GANAB: variants seen among roughly 807,000 people sequenced by gnomAD.
The protein encoded by GANAB is neutral alpha-glucosidase AB.
Under a neutral mutation model 129.9 loss-of-function variants are expected in GANAB, and 35 were observed. The observed-to-expected ratio is 0.27, with a 90% CI of 0.21 to 0.36. The LOEUF (loss-of-function observed/expected upper bound fraction) is 0.36, where lower values mean the gene tolerates loss of function less well. GANAB is among the 10% of genes least tolerant of loss of function. GANAB has a pLI of 1.00. For synonymous variants in GANAB, 482 were observed against 451.8 expected, an observed-to-expected ratio of 1.07 and a Z score of -0.85; for missense variants, 939 against 1,221.0, an observed-to-expected ratio of 0.77 and a Z score of 3.44.
chr11:62,642,637 T>C (rs952033973), intron 1 of GANAB, among the ~76,000 whole-genome samples: 2 of 152,094 alleles, frequency 1.3e-5, no homozygotes, highest in East Asian at 3.8e-4. Flanking sequence ...GGTTTCATCA[T>C]GTTGGCCAGG....
rs1468720325 is a variant in GANAB at position 62,633,584 on chromosome 11, T to A, written c.561-70A>T. On this transcript the variant is annotated intron_variant, in intron 5 of 23. Coordinates refer to ENST00000356638, the MANE Select transcript of GANAB (RefSeq NM_198334.3). ...GACGAGGGGCTAGTGGAAGGAGGGGTTGGGGAATAGAGAGCCAAGGGTCCA... is the reference window on the plus strand; with the variant it reads ...GACGAGGGGCTAGTGGAAGGAGGGGATGGGGAATAGAGAGCCAAGGGTCCA... 1.6e-5 allele frequency: 22 copies of A among 1,371,648 alleles called. No individual in the cohort carries two copies. The Admixed American group carries it at 3.4e-4, about 21-fold the overall frequency. 85.0% of individuals were successfully genotyped at this position (1,371,648 alleles called of 1,614,324 possible).
Position 62,625,888 on chromosome 11 carries a change from G to C in GANAB, c.2762C>G (p.Pro921Arg), listed in dbSNP as rs1437440685. 1.2e-6 allele frequency: 2 copies of C among 1,613,696 alleles called. No individual in the cohort carries two copies. Among genetic ancestry groups the C allele is most frequent in the South Asian group, 1.1e-5 (1 of 91,074 alleles). The change falls in exon 24 of 24, where the codon CCT (proline) becomes CGT (arginine). Residue 921 changes from proline to arginine, a missense_variant. Transcript: ENST00000356638. ...PESRLSFQHD[P>R]ETSVLVLRKP... Reference sequence around the variant, plus strand: ...GCGCAGGACCAACACAGAGGTCTCAGGGTCATGCTGGAAGGACAGGCGGCT... The same window carrying C: ...GCGCAGGACCAACACAGAGGTCTCACGGTCATGCTGGAAGGACAGGCGGCT...
chr11:62,629,372 G>T, intron 15 of GANAB, 77 bp from the exon 16 acceptor site: 1 of 1,043,674 alleles, frequency 9.6e-7, no homozygotes, highest in Non-Finnish European at 1.5e-6. Context: ...TCCCACATCC[G>T]CTCTGGGTCC....
At position 62,626,407 on chromosome 11, in the gene GANAB, G is replaced by C; in HGVS notation, c.2552C>G (p.Thr851Arg). The change falls in exon 22 of 24, where the codon ACG becomes AGG. Residue 851 changes from threonine (T) to arginine (R), a missense_variant. By Grantham distance (71) the Thr-to-Arg change is moderately conservative. This residue lies in a region of GANAB where 230 missense variants were observed against 259.9 expected (regional missense o/e 0.89). Transcript: ENST00000356638. ...CTCTTGGCGAGTCTGATAGTTGAAC[G>C]TGTGCCCATCATCCAGAAAGAGCTC... ...QGELFLDDGH[T>R]FNYQTRQEFL... 1 of 1,613,390 alleles carries C rather than the reference G, an allele frequency of 6.2e-7. No individual in the cohort carries two copies. Among genetic ancestry groups the C allele is most frequent in the Non-Finnish European group, 8.5e-7 (1 of 1,179,292 alleles).
Position 62,628,991 on chromosome 11 carries a change from TTGAA to T in GANAB, c.1954_1957del (p.Phe652LysfsTer44), listed in dbSNP as rs1373255872. ...CACAAGCAGCTCTGGCTCTGGGTTT[TTGAA>T]GAAGCCACCCACATCCGCTGGTAGA... On this transcript the variant is annotated frameshift_variant, in exon 17 of 24. Transcript: ENST00000356638. LOFTEE classifies it high-confidence loss of function. 1 of 1,613,030 alleles carries T rather than the reference TTGAA, an allele frequency of 6.2e-7. No homozygotes were observed. Among genetic ancestry groups the T allele is most frequent in the African/African-American group, 1.3e-5 (1 of 74,876 alleles).
In GANAB at chr11:62,629,282, T is replaced by C. The variant is rs1443056876; in HGVS notation, c.1848A>G (p.Thr616=). ...GGTCCCACTCGGCAGTGTTGTCCCC[T>C]GTCCACACGGCTCCTGAGGAAGACA... ...AGSQRFGAVW[T]GDNTAEWDHL... is the part of the protein sequence containing the mutation. The change falls in exon 16 of 24, where the codon ACA becomes ACG. Residue 616 remains threonine, a synonymous_variant. Transcript: ENST00000356638. The C allele has an allele frequency of 1.9e-6, 3 of 1,609,994 alleles. No individual in the cohort carries two copies. Among genetic ancestry groups the C allele is most frequent in the African/African-American group, 2.7e-5 (2 of 74,806 alleles).
intron 1 of GANAB, among the ~76,000 whole-genome samples, chr11:62,641,339 C>CAGA (rs1554974897): frequency 1.1e-4 from 5 of 47,464 alleles, no homozygotes; most frequent in African/African-American, 3.3e-4. Flanking sequence ...GCAAAACTCT[C>CAGA]AGAAAAAAAA....
chr11:62,641,725 G>A (rs1321610660), intron 1 of GANAB, among the ~76,000 whole-genome samples: 1 of 151,582 alleles, frequency 6.6e-6, no homozygotes, highest in East Asian at 1.9e-4. Flanking sequence ...AATTACAGGA[G>A]CACGCCACCA....
rs10629748 is a variant in GANAB, at chr11:62,641,341, G to GA, written c.39-1611dup. ...CCTAGGTGATGGAGCAAAACTCTCA[G>GA]AAAAAAAAAAAAAAAAAAGATGTAC... On this transcript the variant is annotated intron_variant, in intron 1 of 23. Transcript: ENST00000356638. Among the ~76,000 whole-genome samples the GA allele has an allele frequency of 5.0e-3, 547 of 109,942 alleles. 10 individuals carry two copies. Among genetic ancestry groups the GA allele is most frequent in the African/African-American group, 0.013 (376 of 28,248 alleles). 72.1% of individuals were successfully genotyped at this position (109,942 alleles called of 152,430 possible). A position where few individuals can be genotyped will look rare whatever the true frequency, so the allele number is the denominator to read the frequency against.
At chr11:62,639,557 T>G in intron 2 of GANAB, 70 bp downstream of exon 2, 1 of 1,436,146 alleles carries the variant, frequency 7.0e-7, no homozygotes, top group Non-Finnish European at 9.8e-7. Context: ...AGGCACTCCA[T>G]CTGCCACAGA....
chr11:62,643,670 G>C (rs1944359665), intron 1 of GANAB, among the ~76,000 whole-genome samples: 1 of 151,988 alleles, frequency 6.6e-6, no homozygotes, highest in Non-Finnish European at 1.5e-5. Flanking sequence ...ACAAAAATTA[G>C]CCAGGCGTAG....
intron 1 of GANAB, among the ~76,000 whole-genome samples, chr11:62,641,768 C>T (rs1236481454): frequency 5.1e-4 from 77 of 150,520 alleles, no homozygotes; most frequent in Non-Finnish European, 3.6e-4. Flanking sequence ...TTGGTAGAGA[C>T]GGAGTTTCAC....
At position 62,626,817 on chromosome 11, in the gene GANAB, T is replaced by A. The variant is rs1166603999; in HGVS notation, c.2397+43A>T. The A allele has an allele frequency of 4.1e-6, 6 of 1,477,250 alleles. No individual in the cohort carries two copies. The Admixed American group carries it at 1.1e-4, about 26-fold the overall frequency. 91.5% of individuals were successfully genotyped at this position (1,477,250 alleles called of 1,614,324 possible). A position where few individuals can be genotyped will look rare whatever the true frequency, so the allele number is the denominator to read the frequency against. The stretch of plus-strand genomic sequence containing the variant: ...CACACATTCCCTCCCCTTCTGGAAA[T>A]TTACAGGGAGATGGAACCGGCAGCC... On this transcript the variant is annotated intron_variant, in intron 20 of 23. Transcript: ENST00000356638.
chr11:62,634,315 GA>G, intron 5 of GANAB: 2 of 1,601,732 alleles, frequency 1.2e-6, no homozygotes, highest in Non-Finnish European at 1.7e-6. Flanking sequence ...TTTACCTAGA[GA>G]AAAGGTTCTT....
chr11:62,640,228 C>CAAAAAAAAAAAAAAAAAAAAAAAAAAA (rs869051826), intron 1 of GANAB, among the ~76,000 whole-genome samples: 1 of 28,024 alleles, frequency 3.6e-5, no homozygotes, highest in Non-Finnish European at 5.3e-5. Flanking sequence ...CAGAGCTAGA[C>CAAAAAAAAAAAAAAAAAAAAAAAAAAA]AAAAAAAAAA....
chr11:62,635,188 TC>T (rs1277355103), intron 4 of GANAB, among the ~76,000 whole-genome samples, 188 bp from the exon 5 acceptor site: 2 of 151,604 alleles, frequency 1.3e-5, no homozygotes, highest in African/African-American at 4.8e-5. Flanking sequence ...ATTACTTTTT[TC>T]TTTTTTTTTT....
chr11:62,629,355 G>A, intron 15 of GANAB, 60 bp from the exon 16 acceptor site: 1 of 1,180,944 alleles, frequency 8.5e-7, no homozygotes, highest in Non-Finnish European at 1.3e-6. Context: ...TTTTTACATG[G>A]CTGACCTCCC....
At chr11:62,634,435 C>G (rs1943842050) in intron 5 of GANAB, 3 of 1,104,806 alleles carry the variant, frequency 2.7e-6, no homozygotes, top group Admixed American at 1.7e-5. Context: ...AACACAAAAA[C>G]AGAAACATAA....
rs1187720732 is a variant in GANAB, at chr11:62,627,173, C to T, written c.2246-49G>A. 3 of 1,524,312 alleles carry T rather than the reference C, an allele frequency of 2.0e-6. No homozygotes were observed. In the South Asian group the frequency reaches 3.4e-5, roughly 17 times the overall value. 94.4% of individuals were successfully genotyped at this position (1,524,312 alleles called of 1,614,324 possible). On this transcript the variant is annotated intron_variant, in intron 18 of 23. Coordinates refer to ENST00000356638, the MANE Select transcript of GANAB (RefSeq NM_198334.3). The stretch of plus-strand genomic sequence containing the variant: ...TGAATAGGGGGATTAGTTCCCAGAA[C>T]AGGGAACACCAAAGTGCCTGCCCTC...
Sources: allele counts gnomAD v4.1 joint callset (sites outside exome capture counted in the v4.1 genomes callset), GRCh38; gene constraint gnomAD v4.1.1; regional missense constraint gnomAD v4.1.1; transcripts MANE v1.5; gene names NCBI Gene and HGNC (gene_info 2026-07-23, HGNC 2026-07-21).